ZEB2: variants seen among roughly 807,000 people sequenced by gnomAD.
ZEB2 encodes the protein zinc finger E-box binding homeobox 2, also known as zinc finger E-box-binding homeobox 2.
In ZEB2, 6 loss-of-function variants were observed where a neutral mutation model predicts 99.9. The observed-to-expected ratio is 0.06, with a 90% CI of 0.03 to 0.12. The LOEUF is 0.12. Among genes scored for constraint, ZEB2 ranks in the 10% least tolerant of loss-of-function variants. The pLI is 1.00. For missense variants in ZEB2, 969 were observed against 1,502.8 expected, an observed-to-expected ratio of 0.64 and a Z score of 5.87; for synonymous variants, 517 against 542.5, an observed-to-expected ratio of 0.95 and a Z score of 0.65.
Position 144,429,850 on chromosome 2 carries a change from C to T in ZEB2, c.250G>A (p.Glu84Lys). The change falls in exon 3 of 10, where the codon GAG (glutamate) becomes AAG (lysine). Residue 84 changes from glutamate (E) to lysine (K), a missense_variant. Physicochemically the swap from Glu to Lys is moderately conservative, Grantham distance 56. Coordinates refer to ENST00000627532, the MANE Select transcript of ZEB2 (RefSeq NM_014795.4). ...VSQALLPREE[E>K]EDEIREGGVE... The stretch of plus-strand genomic sequence containing the variant: ...CCACCCTCCCTTATTTCATCTTCCT[C>T]TTCCTCTCTTGGCAACAGAGCTTGG... 1 of 1,613,860 alleles carries T rather than the reference C, an allele frequency of 6.2e-7. No homozygotes were observed. The highest frequency in any genetic ancestry group is 8.5e-7 in the Non-Finnish European group (1 of 1,179,840).
At chr2:144,471,532 T>G (rs1385178423) in intron 2 of ZEB2, among the ~76,000 whole-genome samples, 1 of 151,996 alleles carries the variant, frequency 6.6e-6, no homozygotes, top group Non-Finnish European at 1.5e-5. Context: ...TTCTTTTTTT[T>G]TTTTGGCTTG....
At chr2:144,487,264 T>A (rs1183969422) in intron 2 of ZEB2, among the ~76,000 whole-genome samples, 7 of 152,132 alleles carry the variant, frequency 4.6e-5, no homozygotes, top group Admixed American at 4.6e-4. Flanking sequence ...GTTGTGATGG[T>A]AGCTATCACT....
chr2:144,398,180 T>C (rs914119488), intron 8 of ZEB2, 121 bp downstream of exon 8: 1 of 1,341,954 alleles, frequency 7.5e-7, no homozygotes, highest in African/African-American at 1.5e-5. Flanking sequence ...TAGGTTCATG[T>C]TAAAGCAAAC....
chr2:144,483,521 TGAA>T (rs771180259), intron 2 of ZEB2, among the ~76,000 whole-genome samples: 3 of 152,210 alleles, frequency 2.0e-5, no homozygotes, highest in South Asian at 2.1e-4. Context: ...CCTTTACTTT[TGAA>T]GAAGATCAAA....
At chr2:144,454,101 TA>T (rs1322386860) in intron 2 of ZEB2, among the ~76,000 whole-genome samples, 9 of 152,240 alleles carry the variant, frequency 5.9e-5, no homozygotes, top group African/African-American at 1.9e-4. Context: ...CAAAGTATAT[TA>T]TGTTCATCAC....
chr2:144,472,879 G>C (rs17739820), intron 2 of ZEB2, among the ~76,000 whole-genome samples: 21,586 of 152,184 alleles, frequency 0.14, 1,947 homozygotes, highest in South Asian at 0.36. Flanking sequence ...GAGGTAGCTG[G>C]ATGAAGAGGT....
In ZEB2 at chr2:144,400,148, T is replaced by C. The variant is rs751546535; in HGVS notation, c.1039A>G (p.Asn347Asp). 1 of 1,614,012 alleles carries C rather than the reference T, an allele frequency of 6.2e-7. No homozygotes were observed. The highest frequency in any genetic ancestry group is 8.5e-7 in the Non-Finnish European group (1 of 1,179,848). ...LISVNGRMRN[N>D]IKTGSSPNSV... ...TTAGGGGAAGAACCCGTCTTGATAT[T>C]GTTTCTCATTCGGCCATTTACAGAG... The change falls in exon 8 of 10, where the codon AAT (asparagine) becomes GAT (aspartate). Residue 347 changes from asparagine to aspartate, a missense_variant. Asn to Asp is a conservative substitution (Grantham distance 23, BLOSUM62 1). This residue lies in a region of ZEB2 where 227 missense variants were observed against 278.2 expected (regional missense o/e 0.82). Coordinates refer to ENST00000627532, the MANE Select transcript of ZEB2 (RefSeq NM_014795.4).
At chr2:144,419,380 C>T (rs942292927) in intron 4 of ZEB2, among the ~76,000 whole-genome samples, 1 of 152,162 alleles carries the variant, frequency 6.6e-6, no homozygotes, top group Non-Finnish European at 1.5e-5. Flanking sequence ...ACCTCTTCCC[C>T]CTCTTAGCAA....
rs535492289 is a variant in ZEB2 at position 144,427,340 on chromosome 2, A to G, written c.331+2429T>C. 4.6e-5 allele frequency: 7 copies of G among 152,346 alleles called. No individual in the cohort carries two copies. The East Asian group carries it at 1.2e-3, about 25-fold the overall frequency. The allele number at this position is 152,346 out of a possible 1,614,324, so 9.4% of individuals were successfully genotyped here. A position where few individuals can be genotyped will look rare whatever the true frequency, so the allele number is the denominator to read the frequency against. On this transcript the variant is annotated intron_variant, in intron 3 of 9. Coordinates refer to ENST00000627532, the MANE Select transcript of ZEB2 (RefSeq NM_014795.4). The stretch of plus-strand genomic sequence containing the variant: ...TGTGCTGGAACCGGAAAGGCACAGT[A>G]AGAACTCCACTGCGCTCTTCAGTTC...
At chr2:144,455,479 A>G (rs762135672) in intron 2 of ZEB2, among the ~76,000 whole-genome samples, 7 of 152,202 alleles carry the variant, frequency 4.6e-5, no homozygotes, top group Non-Finnish European at 1.0e-4. Flanking sequence ...CACACGACTG[A>G]TATTTGCCTT....
Position 144,396,609 on chromosome 2 carries a change from C to T in ZEB2, c.2887-17G>A, listed in dbSNP as rs763745343. On this transcript the variant is annotated splice_polypyrimidine_tract_variant and intron_variant, in intron 8 of 9. Transcript: ENST00000627532. Reference sequence around the variant, plus strand: ...CAATTCTCCCTGCGATAGAATCACACAGTTCAATACAGTGGCTTCTCTTTG... The same window carrying T: ...CAATTCTCCCTGCGATAGAATCACATAGTTCAATACAGTGGCTTCTCTTTG... 8 of 1,610,336 alleles carry T rather than the reference C, an allele frequency of 5.0e-6. No individual in the cohort carries two copies. The highest frequency in any genetic ancestry group is 4.5e-5 in the East Asian group (2 of 44,828).
intron 2 of ZEB2, among the ~76,000 whole-genome samples, chr2:144,460,886 A>T (rs945955836): frequency 6.6e-6 from 1 of 152,102 alleles, no homozygotes; most frequent in Non-Finnish European, 1.5e-5. Context: ...AAAAAAAGTC[A>T]TCGGCATCAA....
At chr2:144,479,894 A>G (rs747235083) in intron 2 of ZEB2, among the ~76,000 whole-genome samples, 2 of 152,126 alleles carry the variant, frequency 1.3e-5, no homozygotes, top group Non-Finnish European at 1.5e-5. Flanking sequence ...AGCTTGCCCA[A>G]GACGATGCAC....
intron 2 of ZEB2, chr2:144,512,978 A>G: frequency 7.8e-7 from 1 of 1,287,220 alleles, no homozygotes; most frequent in South Asian, 1.2e-5. Flanking sequence ...CTTGCCAAAG[A>G]TTTCCACACT....
intron 2 of ZEB2, among the ~76,000 whole-genome samples, chr2:144,486,273 C>T (rs750488496): frequency 6.6e-6 from 1 of 151,800 alleles, no homozygotes; most frequent in Non-Finnish European, 1.5e-5. Context: ...TCACCTTGAT[C>T]ACAAAAATGT....
At chr2:144,416,863 T>G (rs1703546053) in intron 4 of ZEB2, among the ~76,000 whole-genome samples, 1 of 152,228 alleles carries the variant, frequency 6.6e-6, no homozygotes, top group South Asian at 2.1e-4. Context: ...CCCTATACTG[T>G]CAGAAACCCT....
In ZEB2 at chr2:144,385,641, A is replaced by T. The variant is rs1208877521; in HGVS notation, c.*3810T>A. 6.6e-6 allele frequency: 1 copy of T among 152,150 alleles called. No individual in the cohort carries two copies. Among genetic ancestry groups the T allele is most frequent in the Non-Finnish European group, 1.5e-5 (1 of 68,008 alleles). 9.4% of individuals were successfully genotyped at this position (152,150 alleles called of 1,614,324 possible). A position where few individuals can be genotyped will look rare whatever the true frequency, so the allele number is the denominator to read the frequency against. On this transcript the variant is annotated 3_prime_UTR_variant, in exon 10 of 10. Coordinates refer to ENST00000627532, the MANE Select transcript of ZEB2 (RefSeq NM_014795.4). The stretch of plus-strand genomic sequence containing the variant: ...TGTGTGGGGCTCCAGATATACACAC[A>T]CTTGTTTGTGTGTATATCCAGGGCC...
intron 2 of ZEB2, among the ~76,000 whole-genome samples, chr2:144,437,760 T>C (rs1435445450): frequency 2.0e-5 from 3 of 152,152 alleles, no homozygotes; most frequent in African/African-American, 7.2e-5. Flanking sequence ...AGGGGAAATG[T>C]GTCCTTGTGT....
Position 144,384,789 on chromosome 2 carries a change from GTTTAACAA to G in ZEB2, c.*4654_*4661del, listed in dbSNP as rs1703058905. 1 of 152,062 alleles carries G rather than the reference GTTTAACAA, an allele frequency of 6.6e-6. No homozygotes were observed. The allele number at this position is 152,062 out of a possible 1,614,324, so 9.4% of individuals were successfully genotyped here. On this transcript the variant is annotated 3_prime_UTR_variant, in exon 10 of 10. Coordinates refer to ENST00000627532, the MANE Select transcript of ZEB2 (RefSeq NM_014795.4). ...TTCTAAAAAAAAATCACTGTGCACA[GTTTAACAA>G]TTTAATTGAAAAAACCAAAGCTAAG...
Sources: allele counts gnomAD v4.1 joint callset (sites outside exome capture counted in the v4.1 genomes callset), GRCh38; gene constraint gnomAD v4.1.1; regional missense constraint gnomAD v4.1.1; transcripts MANE v1.5; gene names NCBI Gene and HGNC (gene_info 2026-07-23, HGNC 2026-07-21).